The following PRKCB variants were observed in gnomAD, a reference collection of about 807,000 sequenced individuals.
PRKCB encodes protein kinase C beta, also known as protein kinase C beta type.
A neutral mutation model predicts 81.5 loss-of-function variants in PRKCB; 13 were observed. The ratio of observed to expected loss-of-function variants is 0.16; its 90% CI spans 0.10 to 0.25. PRKCB has a LOEUF of 0.25. Ranked by LOEUF, PRKCB falls within the 10% of genes least tolerant of loss-of-function variation. The pLI is 1.00. For synonymous variants in PRKCB, 335 were observed against 321.4 expected, an observed-to-expected ratio of 1.04 and a Z score of -0.45; for missense variants, 509 against 875.7, an observed-to-expected ratio of 0.58 and a Z score of 5.29.
intron 16 of PRKCB, among the ~76,000 whole-genome samples, chr16:24,209,931 C>CCA (rs1968112919): frequency 6.6e-6 from 1 of 151,388 alleles, no homozygotes; most frequent in South Asian, 2.1e-4. Context: ...TAGCAAGACC[C>CCA]CACACACACA....
chr16:24,093,030 A>C (rs1966395872), intron 6 of PRKCB, 83 bp downstream of exon 6: 8 of 1,432,024 alleles, frequency 5.6e-6, no homozygotes, highest in Non-Finnish European at 7.5e-6. Context: ...CTCCTCCCTT[A>C]GCTCCTGTTT....
At chr16:23,890,216 G>A (rs1347908566) in intron 2 of PRKCB, among the ~76,000 whole-genome samples, 10 of 152,166 alleles carry the variant, frequency 6.6e-5, no homozygotes, top group Non-Finnish European at 1.2e-4. Context: ...TCACTGTCCA[G>A]TTTTATTGCC....
Position 24,220,251 on chromosome 16 carries a change from T to G in PRKCB, c.*5435T>G. The G allele has an allele frequency of 9.7e-7, 1 of 1,034,310 alleles. No individual in the cohort carries two copies. Among genetic ancestry groups the G allele is most frequent in the South Asian group, 1.7e-5 (1 of 60,014 alleles). 64.1% of individuals were successfully genotyped at this position (1,034,310 alleles called of 1,614,324 possible). Reference sequence around the variant, plus strand: ...AAGCTTGTCTTAGAGGGCTTTTCTTTGTATGTGTAGCTTGCTAGTTTGTTT... The same window carrying G: ...AAGCTTGTCTTAGAGGGCTTTTCTTGGTATGTGTAGCTTGCTAGTTTGTTT... On this transcript the variant is annotated 3_prime_UTR_variant, in exon 17 of 17. Transcript: ENST00000643927.
At chr16:23,968,593 A>G (rs1490749058) in intron 2 of PRKCB, among the ~76,000 whole-genome samples, 2 of 152,164 alleles carry the variant, frequency 1.3e-5, no homozygotes, top group African/African-American at 4.8e-5. Context: ...GGCCTCACCC[A>G]CTGGCTGAAC....
At chr16:23,849,592 A>G (rs1437023266) in intron 2 of PRKCB, among the ~76,000 whole-genome samples, 1 of 152,134 alleles carries the variant, frequency 6.6e-6, no homozygotes, top group Non-Finnish European at 1.5e-5. Flanking sequence ...ATTGTTTCTG[A>G]GACAAACAGT....
intron 2 of PRKCB, among the ~76,000 whole-genome samples, chr16:23,891,047 T>TATATATATA (rs1555482497): frequency 2.2e-4 from 33 of 148,606 alleles, no homozygotes; most frequent in African/African-American, 3.0e-4. Context: ...TGTGTATATA[T>TATATATATA]ATATATAATT....
At chr16:24,033,232 A>G (rs1452419363) in intron 4 of PRKCB, among the ~76,000 whole-genome samples, 1 of 152,196 alleles carries the variant, frequency 6.6e-6, no homozygotes, top group Non-Finnish European at 1.5e-5. Context: ...CCTGAGGCCC[A>G]GAGGACAGAG....
At chr16:24,077,943 C>G (rs775233787) in intron 5 of PRKCB, among the ~76,000 whole-genome samples, 1 of 152,184 alleles carries the variant, frequency 6.6e-6, no homozygotes, top group Non-Finnish European at 1.5e-5. Context: ...CACTGTTTCT[C>G]TAGAGAAGGG....
chr16:24,093,016 G>A, intron 6 of PRKCB, 69 bp downstream of exon 6: 1 of 1,503,314 alleles, frequency 6.7e-7, no homozygotes, highest in Non-Finnish European at 9.0e-7. Context: ...AAATCAGGGA[G>A]TTCCTCCTCC....
At chr16:23,981,671 TCTTCCCCTTCCCCTTCCCTTCCCCTTCC>T (rs1964707862) in intron 2 of PRKCB, among the ~76,000 whole-genome samples, 2 of 86,704 alleles carry the variant, frequency 2.3e-5, no homozygotes, top group African/African-American at 5.2e-5. Flanking sequence ...TTTCCCTTTC[TCTTCCCCTTCCCCTTCCCTTCCCCTTCC>T]CTTCCCCTTC....
At chr16:24,035,607 G>T in intron 5 of PRKCB, 60 bp downstream of exon 5, 2 of 1,568,164 alleles carry the variant, frequency 1.3e-6, no homozygotes, top group Non-Finnish European at 1.7e-6. Context: ...GATTGAGAAG[G>T]GGAGGGTGGC....
At chr16:24,158,747 C>A (rs1161695651) in intron 10 of PRKCB, among the ~76,000 whole-genome samples, 1 of 152,020 alleles carries the variant, frequency 6.6e-6, no homozygotes, top group Non-Finnish European at 1.5e-5. Flanking sequence ...CAGCCTTGGG[C>A]TCCTGGGCTC....
At position 24,215,377 on chromosome 16, in the gene PRKCB, A is replaced by T; in HGVS notation, c.*561A>T. On this transcript the variant is annotated 3_prime_UTR_variant, in exon 17 of 17. Transcript: ENST00000643927. ...AAGATGATCAAAGTTCTAAAATTCC[A>T]AGAATGTGCTTTTAGACGGTCTCAA... is the stretch of plus-strand genomic sequence containing the variant. The T allele has an allele frequency of 2.0e-6, 2 of 986,198 alleles. No homozygotes were observed. The highest frequency in any genetic ancestry group is 2.4e-6 in the Non-Finnish European group (2 of 830,182). The allele number at this position is 986,198 out of a possible 1,614,324, so 61.1% of individuals were successfully genotyped here.
intron 3 of PRKCB, among the ~76,000 whole-genome samples, chr16:24,013,392 A>G (rs4787650): frequency 0.028 from 4,311 of 152,334 alleles, 101 homozygotes; most frequent in Middle Eastern, 0.061. Context: ...AAGAACCCAG[A>G]TTCTGGATAA....
intron 2 of PRKCB, among the ~76,000 whole-genome samples, chr16:23,940,832 T>G (rs185902871): frequency 6.6e-6 from 1 of 152,300 alleles, no homozygotes; most frequent in East Asian, 1.9e-4. Flanking sequence ...ACTACTGTTT[T>G]CTGACCTTGG....
chr16:24,134,510 G>T (rs902039489), intron 9 of PRKCB, among the ~76,000 whole-genome samples: 15 of 152,136 alleles, frequency 9.9e-5, no homozygotes, highest in Non-Finnish European at 1.9e-4. Context: ...ACTTTGGGAG[G>T]CTGAGGCAGG....
chr16:24,020,619 C>T (rs995132175), intron 3 of PRKCB, among the ~76,000 whole-genome samples: 1 of 152,158 alleles, frequency 6.6e-6, no homozygotes, highest in African/African-American at 2.4e-5. Flanking sequence ...ACCAGAGACT[C>T]AGGGTGGTTA....
intron 2 of PRKCB, among the ~76,000 whole-genome samples, chr16:23,882,022 C>CTTTCTTTCTTTCTCTTTCTTTCTTTCT (rs1567301134): frequency 1.7e-5 from 1 of 57,420 alleles, no homozygotes; most frequent in Non-Finnish European, 3.5e-5. Flanking sequence ...TTCTTTCTTT[C>CTTTCTTTCTTTCTCTTTCTTTCTTTCT]TTCCTTCCTT....
chr16:24,093,148 T>A (rs1315655870), intron 6 of PRKCB, among the ~76,000 whole-genome samples: 5 of 152,068 alleles, frequency 3.3e-5, no homozygotes, highest in Non-Finnish European at 7.4e-5. Context: ...AGAAAAAAAA[T>A]TAGAGCTATT....
Sources: gnomAD v4.1 joint callset for allele counts (sites outside exome capture counted in the v4.1 genomes callset) on GRCh38, gnomAD v4.1.1 for gene constraint, MANE v1.5 for transcripts, NCBI Gene and HGNC (gene_info 2026-07-23, HGNC 2026-07-21) for gene names.